Variants in SLC24A2 observed in about 807,000 individuals in gnomAD.
The protein encoded by SLC24A2 is sodium/potassium/calcium exchanger 2.
Under a neutral mutation model 62.0 loss-of-function variants are expected in SLC24A2, and 36 were observed. That is an observed-to-expected ratio of 0.58 (90% CI 0.44 to 0.77). The LOEUF (loss-of-function observed/expected upper bound fraction) is 0.77. SLC24A2 is among the 30% of genes least tolerant of loss of function. SLC24A2 has a pLI of 0.00. For synonymous variants in SLC24A2, 358 were observed against 294.0 expected, an observed-to-expected ratio of 1.22 and a Z score of -2.23; for missense variants, 846 against 817.9, an observed-to-expected ratio of 1.03 and a Z score of -0.42.
At chr9:19,779,860 C>A (rs1487352583) in intron 2 of SLC24A2, among the ~76,000 whole-genome samples, 1 of 151,934 alleles carries the variant, frequency 6.6e-6, no homozygotes, top group Non-Finnish European at 1.5e-5. Context: ...GAGATGGAGA[C>A]CACCCTGGCT....
chr9:19,939,727 G>T, the SLC24A2 span, among the ~76,000 whole-genome samples: 29 of 152,282 alleles, frequency 1.9e-4, no homozygotes, highest in Non-Finnish European at 3.7e-4. Flanking sequence ...TTTCAGCTTC[G>T]TTATAATCTT....
At chr9:19,848,640 C>T in the SLC24A2 span, among the ~76,000 whole-genome samples, 1 of 152,010 alleles carries the variant, frequency 6.6e-6, no homozygotes, top group African/African-American at 2.4e-5. Context: ...ATATAATAAG[C>T]ATTACAAGTG....
chr9:19,707,168 A>C (rs573201571), intron 2 of SLC24A2, among the ~76,000 whole-genome samples: 11 of 151,678 alleles, frequency 7.3e-5, no homozygotes, highest in Admixed American at 6.6e-4. Flanking sequence ...GAAATGGATA[A>C]ATTCCTCGAC....
chr9:19,609,379 C>T (rs1054742994), intron 4 of SLC24A2, among the ~76,000 whole-genome samples: 2 of 152,190 alleles, frequency 1.3e-5, no homozygotes, highest in Non-Finnish European at 2.9e-5. Flanking sequence ...GAGGAGACCC[C>T]GGTGGCCTCT....
At chr9:19,765,571 G>C (rs1444907472) in intron 2 of SLC24A2, among the ~76,000 whole-genome samples, 1 of 152,170 alleles carries the variant, frequency 6.6e-6, no homozygotes, top group Non-Finnish European at 1.5e-5. Context: ...AGTTTGGCTG[G>C]ATATGAAATT....
the SLC24A2 span, among the ~76,000 whole-genome samples, chr9:20,095,177 T>A: frequency 2.0e-5 from 3 of 152,230 alleles, no homozygotes; most frequent in African/African-American, 4.8e-5. Context: ...CATTAAGGTA[T>A]CCTATCTATG....
At position 19,555,870 on chromosome 9, in the gene SLC24A2, G is replaced by C. The variant is rs374241898; in HGVS notation, c.1348-5602C>G. On this transcript the variant is annotated intron_variant, in intron 7 of 10. Coordinates refer to ENST00000341998, the MANE Select transcript of SLC24A2 (RefSeq NM_020344.4). ...TGAGGCAGGAGAATCACTTGAACCC[G>C]GGAGGCAGAGGTTGCAGTGAACTGA... Among the ~76,000 whole-genome samples the C allele has an allele frequency of 9.2e-5, 14 of 152,212 alleles. No homozygotes were observed. The East Asian group carries it at 2.1e-3, about 23-fold the overall frequency.
the SLC24A2 span, among the ~76,000 whole-genome samples, chr9:19,850,417 G>A: frequency 6.6e-6 from 1 of 152,026 alleles, no homozygotes; most frequent in Non-Finnish European, 1.5e-5. Flanking sequence ...ATATATATAT[G>A]AGCAATGCTA....
the SLC24A2 span, among the ~76,000 whole-genome samples, chr9:20,279,158 A>G: frequency 6.6e-6 from 1 of 152,248 alleles, no homozygotes; most frequent in Non-Finnish European, 1.5e-5. Flanking sequence ...CCCTCCCATG[A>G]CACATGGGGA....
chr9:19,844,284 T>G, the SLC24A2 span, among the ~76,000 whole-genome samples: 1 of 152,184 alleles, frequency 6.6e-6, no homozygotes, highest in South Asian at 2.1e-4. Context: ...GTTGAACATT[T>G]TTTTCATATG....
chr9:19,908,404 C>A, the SLC24A2 span, among the ~76,000 whole-genome samples: 120 of 152,180 alleles, frequency 7.9e-4, no homozygotes, highest in Admixed American at 7.5e-3. Context: ...CTAGGCAATA[C>A]CATTCAGGAC....
the SLC24A2 span, among the ~76,000 whole-genome samples, chr9:20,303,248 G>T: frequency 6.6e-6 from 1 of 152,222 alleles, no homozygotes; most frequent in Middle Eastern, 3.4e-3. Flanking sequence ...ACCCTGAGGG[G>T]AAACAGGGGC....
chr9:20,040,066 G>A, the SLC24A2 span, among the ~76,000 whole-genome samples: 1 of 152,202 alleles, frequency 6.6e-6, no homozygotes, highest in Non-Finnish European at 1.5e-5. Flanking sequence ...ATTGATTGTT[G>A]TGAAGTATGT....
At chr9:19,543,827 G>A (rs1036192939) in intron 8 of SLC24A2, among the ~76,000 whole-genome samples, 19 of 152,274 alleles carry the variant, frequency 1.2e-4, no homozygotes, top group South Asian at 4.2e-4. Context: ...TTTTGCATTT[G>A]CTGAGGAGTG....
Position 19,749,646 on chromosome 9 carries a change from A to T in SLC24A2, c.930+36291T>A, listed in dbSNP as rs547097667. Reference sequence around the variant, plus strand: ...ATTCAAGATGCTCAGCTAAATTTGCATTGCAGATAAACAATGAATCATTTT... The same window carrying T: ...ATTCAAGATGCTCAGCTAAATTTGCTTTGCAGATAAACAATGAATCATTTT... On this transcript the variant is annotated intron_variant, in intron 2 of 10. Coordinates refer to ENST00000341998, the MANE Select transcript of SLC24A2 (RefSeq NM_020344.4). Among the ~76,000 whole-genome samples the T allele has an allele frequency of 5.2e-4, 79 of 152,242 alleles. 1 individual carries two copies. Among genetic ancestry groups the T allele is most frequent in the Middle Eastern group, 3.2e-3 (1 of 316 alleles).
the SLC24A2 span, among the ~76,000 whole-genome samples, chr9:20,147,034 T>C: frequency 0.02 from 3,025 of 152,214 alleles, 41 homozygotes; most frequent in South Asian, 0.047. Context: ...CAACCCCCTA[T>C]GAGCTGGCCC....
chr9:19,701,835 C>T (rs964211096), intron 2 of SLC24A2, among the ~76,000 whole-genome samples: 1 of 152,154 alleles, frequency 6.6e-6, no homozygotes, highest in African/African-American at 2.4e-5. Flanking sequence ...CTTAATTTAA[C>T]TGAATCCTGC....
intron 2 of SLC24A2, among the ~76,000 whole-genome samples, chr9:19,767,280 GC>G (rs1249976143): frequency 6.6e-6 from 1 of 152,158 alleles, no homozygotes; most frequent in African/African-American, 2.4e-5. Flanking sequence ...CCTGGCTTCA[GC>G]CCCCTTTTCA....
intron 2 of SLC24A2, among the ~76,000 whole-genome samples, chr9:19,644,134 T>C (rs1198433752): frequency 6.6e-6 from 1 of 152,166 alleles, no homozygotes; most frequent in Non-Finnish European, 1.5e-5. Flanking sequence ...AAGGAAAAGA[T>C]TTACATGTTG....
Sources: allele counts gnomAD v4.1 joint callset (sites outside exome capture counted in the v4.1 genomes callset), GRCh38; gene constraint gnomAD v4.1.1; transcripts MANE v1.5; gene names NCBI Gene and HGNC (gene_info 2026-07-23, HGNC 2026-07-21).